Variants in ZFR observed in about 807,000 individuals in gnomAD.
The protein encoded by ZFR is zinc finger RNA binding protein, also known as zinc finger RNA-binding protein.
A neutral mutation model predicts 130.7 loss-of-function variants in ZFR; 19 were observed. The observed-to-expected ratio is 0.15, with a 90% CI of 0.10 to 0.21. The LOEUF is 0.21. ZFR is among the 10% of genes least tolerant of loss of function. ZFR has a pLI of 1.00. For missense variants in ZFR, 872 were observed against 1,321.5 expected, an observed-to-expected ratio of 0.66 and a Z score of 5.27; for synonymous variants, 466 against 456.9, an observed-to-expected ratio of 1.02 and a Z score of -0.25.
chr5:32,439,012 A>C (rs1016164548), intron 2 of ZFR, among the ~76,000 whole-genome samples: 1 of 152,228 alleles, frequency 6.6e-6, no homozygotes, highest in East Asian at 1.9e-4. Flanking sequence ...ATAGTGTACT[A>C]TAAGGCAGTT....
intron 12 of ZFR, among the ~76,000 whole-genome samples, chr5:32,389,457 T>C (rs1753112891): frequency 6.6e-6 from 1 of 152,168 alleles, no homozygotes; most frequent in Non-Finnish European, 1.5e-5. Context: ...GTACTGGGAT[T>C]ATAGGCATGA....
Position 32,406,761 on chromosome 5 carries a change from A to C in ZFR, c.1032+13T>G. On this transcript the variant is annotated intron_variant, in intron 6 of 19. Coordinates refer to ENST00000265069, the MANE Select transcript of ZFR (RefSeq NM_016107.5). Reference sequence around the variant, plus strand: ...CCACTGAAGACTCAAGGTAAAACATACAACGTAAGTACCTGTGGTCCAGCA... The same window carrying C: ...CCACTGAAGACTCAAGGTAAAACATCCAACGTAAGTACCTGTGGTCCAGCA... 1 of 1,600,954 alleles carries C rather than the reference A, an allele frequency of 6.2e-7. No individual in the cohort carries two copies. Among genetic ancestry groups the C allele is most frequent in the Non-Finnish European group, 8.5e-7 (1 of 1,176,772 alleles).
In ZFR at chr5:32,355,392, T is replaced by C. The variant is rs1459242764; in HGVS notation, c.*368A>G. ...AAACCTCTAAATTAAAATATCAAAA[T>C]ACACAGAGCAACTGAAGCACACATC... On this transcript the variant is annotated 3_prime_UTR_variant, in exon 20 of 20. Transcript: ENST00000265069. 6.4e-6 allele frequency: 1 copy of C among 156,852 alleles called. No homozygotes were observed. The highest frequency in any genetic ancestry group is 2.4e-5 in the African/African-American group (1 of 41,598). 9.7% of individuals were successfully genotyped at this position (156,852 alleles called of 1,614,324 possible).
intron 2 of ZFR, among the ~76,000 whole-genome samples, chr5:32,438,005 C>T (rs527669466): frequency 2.2e-4 from 33 of 152,212 alleles, no homozygotes; most frequent in African/African-American, 6.7e-4. Flanking sequence ...TGGAGTAATG[C>T]TAAATATATA....
intron 5 of ZFR, 70 bp downstream of exon 5, chr5:32,414,899 A>G (rs1020542571): frequency 1.9e-5 from 26 of 1,375,226 alleles, no homozygotes; most frequent in Non-Finnish European, 2.4e-5. Flanking sequence ...TTTCAAAGAC[A>G]ATCAAGATAG....
intron 17 of ZFR, among the ~76,000 whole-genome samples, chr5:32,370,351 G>GAC (rs1752643039): frequency 4.8e-3 from 8 of 1,660 alleles, no homozygotes; most frequent in East Asian, 6.4e-3. Context: ...GAGAGAGAGA[G>GAC]AGACAGACAG....
intron 2 of ZFR, among the ~76,000 whole-genome samples, chr5:32,430,321 C>G (rs1198957760): frequency 6.6e-6 from 1 of 152,032 alleles, no homozygotes; most frequent in African/African-American, 2.4e-5. Context: ...AATTTATAGT[C>G]AGGAACTCAG....
intron 1 of ZFR, 41 bp from the exon 2 acceptor site, chr5:32,444,369 G>T (rs1402039695): frequency 6.5e-7 from 1 of 1,527,284 alleles, no homozygotes; most frequent in Non-Finnish European, 8.8e-7. Flanking sequence ...GGCGGGACAA[G>T]AGACACAGAG....
At chr5:32,434,854 G>A (rs1754299620) in intron 2 of ZFR, among the ~76,000 whole-genome samples, 1 of 152,052 alleles carries the variant, frequency 6.6e-6, no homozygotes, top group Non-Finnish European at 1.5e-5. Flanking sequence ...ACTCACTATT[G>A]ATTGGGTACA....
intron 4 of ZFR, among the ~76,000 whole-genome samples, chr5:32,415,489 T>TGTG (rs1332261304): frequency 8.4e-5 from 8 of 94,996 alleles, no homozygotes; most frequent in African/African-American, 3.3e-4. Context: ...AAAAGGAGTG[T>TGTG]GTGTGTGTGT....
At chr5:32,418,259 C>CA (rs58214285) in intron 3 of ZFR, among the ~76,000 whole-genome samples, 4 of 132,026 alleles carry the variant, frequency 3.0e-5, no homozygotes, top group East Asian at 4.3e-4. Context: ...GATTCTGCCT[C>CA]AAAAAAAAAA....
intron 9 of ZFR, among the ~76,000 whole-genome samples, chr5:32,397,855 T>TTTC (rs1753353359): frequency 1.6e-5 from 2 of 122,204 alleles, no homozygotes; most frequent in Non-Finnish European, 1.7e-5. Context: ...GTATCTTTTT[T>TTTC]TTTTTTTTTT....
intron 5 of ZFR, among the ~76,000 whole-genome samples, chr5:32,408,679 G>A (rs570131607): frequency 2.6e-5 from 4 of 152,284 alleles, no homozygotes; most frequent in East Asian, 3.9e-4. Context: ...AATAGAGGAC[G>A]TTTGTAGGAC....
At chr5:32,365,865 CT>C (rs1399437155) in intron 17 of ZFR, among the ~76,000 whole-genome samples, 1 of 152,100 alleles carries the variant, frequency 6.6e-6, no homozygotes, top group African/African-American at 2.4e-5. Context: ...CTCCCAAAGC[CT>C]TGGGATTACA....
intron 17 of ZFR, among the ~76,000 whole-genome samples, chr5:32,373,474 C>T (rs1752723819): frequency 6.6e-6 from 1 of 152,146 alleles, no homozygotes; most frequent in Admixed American, 6.6e-5. Context: ...AAAGCATTAC[C>T]TATGCAGCCA....
intron 19 of ZFR, among the ~76,000 whole-genome samples, chr5:32,362,269 T>A (rs1387290455): frequency 6.6e-6 from 1 of 152,118 alleles, no homozygotes; most frequent in Non-Finnish European, 1.5e-5. Context: ...CGCCTACCTA[T>A]AGGAAGGAAT....
chr5:32,441,372 T>C (rs1754469536), intron 2 of ZFR, among the ~76,000 whole-genome samples: 1 of 152,142 alleles, frequency 6.6e-6, no homozygotes. Context: ...AATACAGTCA[T>C]CCCTCCATAT....
intron 5 of ZFR, among the ~76,000 whole-genome samples, chr5:32,411,980 A>C (rs954608290): frequency 2.0e-5 from 3 of 152,020 alleles, no homozygotes; most frequent in African/African-American, 7.2e-5. Flanking sequence ...GTAAGTTCAT[A>C]GTAATAACAA....
In ZFR at chr5:32,377,223, TCTCTCTCTCTC is replaced by T. The variant is rs546943050; in HGVS notation, c.2835+1881_2835+1891del. On this transcript the variant is annotated intron_variant, in intron 17 of 19. Coordinates refer to ENST00000265069, the MANE Select transcript of ZFR (RefSeq NM_016107.5). ...CTTTCTTTATTTCTCTTTCTCTCTC[TCTCTCTCTCTC>T]CTCTCTCTCTTTCTTTCGAGACAGA... 6.3e-3 allele frequency among the ~76,000 whole-genome samples: 950 copies of T among 150,462 alleles called. 7 individuals are homozygous for T. The highest frequency in any genetic ancestry group is 9.5e-3 in the Non-Finnish European group (645 of 67,602).
Sources: allele counts gnomAD v4.1 joint callset (sites outside exome capture counted in the v4.1 genomes callset), GRCh38; gene constraint gnomAD v4.1.1; transcripts MANE v1.5; gene names NCBI Gene and HGNC (gene_info 2026-07-23, HGNC 2026-07-21).